CSMD1: variants seen among roughly 807,000 people sequenced by gnomAD.
CSMD1 encodes the protein CUB and Sushi multiple domains 1, also known as CUB and sushi domain-containing protein 1.
A neutral mutation model predicts 417.5 loss-of-function variants in CSMD1; 213 were observed. The ratio of observed to expected loss-of-function variants is 0.51; its 90% CI spans 0.46 to 0.57. The LOEUF is 0.57. CSMD1 is among the 20% of genes least tolerant of loss of function. The pLI, the probability that CSMD1 is intolerant of heterozygous loss-of-function variation, is 0.00. For synonymous variants in CSMD1, 2,862 were observed against 1,736.8 expected (o/e 1.65, Z -16.11); for missense variants, 6,923 against 4,529.7 (o/e 1.53, Z -15.17).
At chr8:3,743,986 C>T (rs1382335455) in intron 6 of CSMD1, among the ~76,000 whole-genome samples, 1 of 152,146 alleles carries the variant, frequency 6.6e-6, no homozygotes, top group South Asian at 2.1e-4. Context: ...TTCCCCTACC[C>T]CCGTTACATG....
chr8:4,141,787 T>C (rs1396313420), intron 3 of CSMD1, among the ~76,000 whole-genome samples: 2 of 151,154 alleles, frequency 1.3e-5, no homozygotes, highest in African/African-American at 2.5e-5. Context: ...GTGAAACATA[T>C]TGTGAACTCT....
intron 3 of CSMD1, among the ~76,000 whole-genome samples, chr8:4,040,053 C>A (rs1350057696): frequency 6.6e-6 from 1 of 152,090 alleles, no homozygotes; most frequent in Non-Finnish European, 1.5e-5. Context: ...AAGCACCATG[C>A]AAATGTTAGG....
At chr8:3,916,834 G>A (rs1808863410) in intron 5 of CSMD1, among the ~76,000 whole-genome samples, 1 of 152,006 alleles carries the variant, frequency 6.6e-6, no homozygotes. Context: ...GTCTTAGATT[G>A]CTGCAGGTTA....
intron 2 of CSMD1, among the ~76,000 whole-genome samples, chr8:4,500,694 GT>G (rs1358715532): frequency 6.6e-6 from 1 of 152,174 alleles, no homozygotes; most frequent in African/African-American, 2.4e-5. Flanking sequence ...AGTGGTGGAG[GT>G]TTTCCTCTTG....
intron 3 of CSMD1, among the ~76,000 whole-genome samples, chr8:4,218,271 T>A (rs112103899): frequency 6.6e-6 from 1 of 152,180 alleles, no homozygotes; most frequent in African/African-American, 2.4e-5. Context: ...CGTGTGACAA[T>A]AGCAATACAT....
intron 5 of CSMD1, among the ~76,000 whole-genome samples, chr8:3,945,994 G>A (rs754760361): frequency 6.6e-6 from 1 of 152,104 alleles, no homozygotes; most frequent in Non-Finnish European, 1.5e-5. Flanking sequence ...CGTATTTAAA[G>A]CACTTTACTT....
intron 12 of CSMD1, among the ~76,000 whole-genome samples, chr8:3,439,013 C>A (rs7000929): frequency 2.0e-4 from 29 of 148,548 alleles, no homozygotes; most frequent in African/African-American, 3.2e-4. Context: ...TCCCAGCTAC[C>A]CAGGAGGCTG....
At chr8:3,374,604 G>C (rs1188577061) in intron 18 of CSMD1, among the ~76,000 whole-genome samples, 1 of 152,152 alleles carries the variant, frequency 6.6e-6, no homozygotes, top group Non-Finnish European at 1.5e-5. Flanking sequence ...TGCACATCCT[G>C]GCAAATGTCC....
At position 4,858,391 on chromosome 8, in the gene CSMD1, C is replaced by A. The variant is rs563616711; in HGVS notation, c.85+135941G>T. ...GCCCTCTCTCACCACTCCTATTCAA[C>A]GTAGTGTTGGAAGTTCTGGCCAGGG... On this transcript the variant is annotated intron_variant, in intron 1 of 69. Coordinates refer to ENST00000635120, the MANE Select transcript of CSMD1 (RefSeq NM_033225.6). 4.0e-5 allele frequency among the ~76,000 whole-genome samples: 6 copies of A among 151,254 alleles called. No homozygotes were observed. In the South Asian group the frequency reaches 6.3e-4, roughly 16 times the overall value.
intron 3 of CSMD1, among the ~76,000 whole-genome samples, chr8:4,223,572 G>A (rs562403813): frequency 1.3e-5 from 2 of 152,332 alleles, no homozygotes; most frequent in East Asian, 1.9e-4. Context: ...CAGGACCTGT[G>A]TCACCTGAAT....
chr8:3,856,640 A>T (rs1804333045), intron 5 of CSMD1, among the ~76,000 whole-genome samples: 1 of 152,212 alleles, frequency 6.6e-6, no homozygotes, highest in Non-Finnish European at 1.5e-5. Flanking sequence ...CTGCAGCAGC[A>T]GTAAACGTTT....
At chr8:4,550,697 T>G in intron 2 of CSMD1, among the ~76,000 whole-genome samples, 1 of 152,190 alleles carries the variant, frequency 6.6e-6, no homozygotes, top group East Asian at 1.9e-4. Flanking sequence ...CTAACTCACC[T>G]TGTCTATTAT....
At chr8:3,654,851 C>G (rs1798024908) in intron 7 of CSMD1, among the ~76,000 whole-genome samples, 1 of 152,080 alleles carries the variant, frequency 6.6e-6, no homozygotes, top group Non-Finnish European at 1.5e-5. Context: ...CCTGCTCTAC[C>G]CACACCCGGA....
At chr8:4,141,743 G>A in intron 3 of CSMD1, among the ~76,000 whole-genome samples, 1 of 151,080 alleles carries the variant, frequency 6.6e-6, no homozygotes, top group Non-Finnish European at 1.5e-5. Flanking sequence ...AACGGATACA[G>A]TGATTCATCC....
intron 3 of CSMD1, among the ~76,000 whole-genome samples, chr8:4,318,917 G>C (rs1033761254): frequency 6.6e-6 from 1 of 152,024 alleles, no homozygotes; most frequent in African/African-American, 2.4e-5. Context: ...AGTCAGAAGT[G>C]GGTTTTTAAT....
intron 26 of CSMD1, among the ~76,000 whole-genome samples, chr8:3,283,479 C>G (rs1802895286): frequency 1.3e-5 from 2 of 151,834 alleles, no homozygotes; most frequent in South Asian, 4.2e-4. Flanking sequence ...ATTGCTGGTC[C>G]TGATCTTATA....
intron 3 of CSMD1, among the ~76,000 whole-genome samples, chr8:4,213,769 G>A (rs1272788881): frequency 6.6e-6 from 1 of 152,184 alleles, no homozygotes; most frequent in Non-Finnish European, 1.5e-5. Flanking sequence ...GGGGTTCCCT[G>A]CCAGCTGTGG....
chr8:4,062,227 C>G (rs1281181093), intron 3 of CSMD1, among the ~76,000 whole-genome samples: 2 of 152,098 alleles, frequency 1.3e-5, no homozygotes, highest in Admixed American at 6.6e-5. Flanking sequence ...CAGGTTCACA[C>G]AAGTCTAATT....
At chr8:4,286,064 C>T (rs1400250229) in intron 3 of CSMD1, among the ~76,000 whole-genome samples, 1 of 152,110 alleles carries the variant, frequency 6.6e-6, no homozygotes, top group Non-Finnish European at 1.5e-5. Flanking sequence ...ATCCCTAAGT[C>T]CGAAATACAG....
Sources: gnomAD v4.1 joint callset for allele counts (sites outside exome capture counted in the v4.1 genomes callset) on GRCh38, gnomAD v4.1.1 for gene constraint, MANE v1.5 for transcripts, NCBI Gene and HGNC (gene_info 2026-07-23, HGNC 2026-07-21) for gene names.